Variants in FGD6 observed in about 807,000 individuals in gnomAD.
FGD6 encodes the protein FYVE, RhoGEF and PH domain-containing protein 6.
FGD6 carries 90 observed loss-of-function variants against 149.4 expected under a neutral mutation model. The observed-to-expected ratio is 0.60, with a 90% CI of 0.51 to 0.72. The LOEUF (loss-of-function observed/expected upper bound fraction) is 0.72. Ranked by LOEUF, FGD6 falls within the 30% of genes least tolerant of loss-of-function variation. The pLI, the probability that FGD6 is intolerant of heterozygous loss-of-function variation, is 0.00. For missense variants in FGD6, 1,437 were observed against 1,684.8 expected (o/e 0.85, Z 2.57); for synonymous variants, 527 against 584.0 (o/e 0.90, Z 1.41).
rs118127083 is a variant in FGD6, at chr12:95,108,148, G to C, written c.3264+200C>G. Among the ~76,000 whole-genome samples the C allele has an allele frequency of 9.9e-3, 1,509 of 152,204 alleles. 4 individuals carry two copies. Among genetic ancestry groups the C allele is most frequent in the Middle Eastern group, 0.02 (6 of 294 alleles). On this transcript the variant is annotated intron_variant, in intron 11 of 20. Coordinates refer to ENST00000343958, the MANE Select transcript of FGD6 (RefSeq NM_018351.4). The stretch of plus-strand genomic sequence containing the variant: ...CCTTGCCGCTCCCCTAATTGAACTG[G>C]ACTTACTTCATAAATGGGCTTATTC...
intron 1 of FGD6, among the ~76,000 whole-genome samples, chr12:95,216,730 A>T (rs1334062773): frequency 6.6e-6 from 1 of 151,040 alleles, no homozygotes; most frequent in African/African-American, 2.4e-5. Flanking sequence ...CAGGTAACAG[A>T]GGTAAAACCA....
At chr12:95,091,666 G>T in intron 17 of FGD6, 41 bp downstream of exon 17, 1 of 1,453,672 alleles carries the variant, frequency 6.9e-7, no homozygotes, top group Non-Finnish European at 9.6e-7. Flanking sequence ...AGCATCTGGG[G>T]AATAAAGGAA....
At chr12:95,122,295 C>G (rs1005714524) in intron 8 of FGD6, among the ~76,000 whole-genome samples, 2 of 152,094 alleles carry the variant, frequency 1.3e-5, no homozygotes, top group African/African-American at 2.4e-5. Flanking sequence ...AAAACTGTGG[C>G]CTTCCTGAGG....
intron 2 of FGD6, among the ~76,000 whole-genome samples, chr12:95,192,060 A>C (rs6538614): frequency 0.88 from 133,181 of 152,192 alleles, 58,618 homozygotes; most frequent in African/African-American, 0.96. Context: ...TGTTAGACTA[A>C]TTATAACCAA....
intron 8 of FGD6, 57 bp from the exon 9 acceptor site, chr12:95,113,758 A>G (rs1329563192): frequency 1.9e-5 from 22 of 1,150,324 alleles, no homozygotes; most frequent in African/African-American, 7.9e-5. Flanking sequence ...CCCCAAACAC[A>G]TATCTTTCTT....
chr12:95,114,067 G>A (rs192948222), intron 8 of FGD6, among the ~76,000 whole-genome samples: 27 of 152,242 alleles, frequency 1.8e-4, no homozygotes, highest in African/African-American at 6.5e-4. Context: ...TTAATCTTGA[G>A]ATCAGACACA....
chr12:95,101,340 C>T (rs1437900289), intron 14 of FGD6, among the ~76,000 whole-genome samples: 2 of 151,916 alleles, frequency 1.3e-5, no homozygotes, highest in African/African-American at 2.4e-5. Flanking sequence ...GAGACTCTGT[C>T]ACAAAAAAGA....
Position 95,080,663 on chromosome 12 carries a change from G to A in FGD6, c.*857C>T, listed in dbSNP as rs748652714. On this transcript the variant is annotated 3_prime_UTR_variant, in exon 21 of 21. Coordinates refer to ENST00000343958, the MANE Select transcript of FGD6 (RefSeq NM_018351.4). The stretch of plus-strand genomic sequence containing the variant: ...TAGATACAAATATCATCATTGACTT[G>A]GGCTCAGAACTCTTATAATAGCAGG... 1.3e-5 allele frequency: 2 copies of A among 151,978 alleles called. No individual in the cohort carries two copies. Among genetic ancestry groups the A allele is most frequent in the Non-Finnish European group, 2.9e-5 (2 of 67,992 alleles). 9.4% of individuals were successfully genotyped at this position (151,978 alleles called of 1,614,324 possible).
intron 6 of FGD6, among the ~76,000 whole-genome samples, chr12:95,137,986 C>T (rs1464407325): frequency 5.3e-5 from 8 of 152,058 alleles, no homozygotes; most frequent in Admixed American, 2.0e-4. Flanking sequence ...CTTTGGGAGC[C>T]GAGGTGGGCA....
intron 2 of FGD6, among the ~76,000 whole-genome samples, chr12:95,201,548 G>C (rs551345612): frequency 6.6e-6 from 1 of 152,206 alleles, no homozygotes; most frequent in Non-Finnish European, 1.5e-5. Flanking sequence ...CTACTGCTAG[G>C]TTTTATCCAT....
chr12:95,191,472 C>T (rs1210272895), intron 2 of FGD6, among the ~76,000 whole-genome samples: 1 of 152,204 alleles, frequency 6.6e-6, no homozygotes, highest in Non-Finnish European at 1.5e-5. Context: ...CAGCTGGATT[C>T]TGACTTCACA....
intron 8 of FGD6, among the ~76,000 whole-genome samples, chr12:95,129,531 G>C (rs1360473157): frequency 6.6e-6 from 1 of 152,184 alleles, no homozygotes; most frequent in Non-Finnish European, 1.5e-5. Context: ...GAAGAGATGA[G>C]AAAGAAGAAG....
chr12:95,210,322 C>G lies in FGD6; in HGVS notation c.962G>C (p.Arg321Pro), dbSNP rs148149725. The G allele has an allele frequency of 7.4e-6, 12 of 1,614,038 alleles. No homozygotes were observed. Among genetic ancestry groups the G allele is most frequent in the Non-Finnish European group, 9.3e-6 (11 of 1,180,018 alleles). The change falls in exon 2 of 21, where the codon CGA (arginine) becomes CCA (proline). Residue 321 changes from arginine to proline, a missense_variant. Physicochemically the swap from Arg to Pro is moderately radical, Grantham distance 103. Coordinates refer to ENST00000343958, the MANE Select transcript of FGD6 (RefSeq NM_018351.4). ...KFPTPKPRKT[R>P]TARLLRQKCV... ...CTTTTGGCGTAACAGACGAGCAGTTCGTGTCTTTCTGGGCTTGGGAGTTGG... is the reference window on the plus strand; with the variant it reads ...CTTTTGGCGTAACAGACGAGCAGTTGGTGTCTTTCTGGGCTTGGGAGTTGG...
intron 8 of FGD6, among the ~76,000 whole-genome samples, chr12:95,122,519 G>A (rs1441613584): frequency 1.3e-5 from 2 of 151,518 alleles, no homozygotes; most frequent in Non-Finnish European, 2.9e-5. Flanking sequence ...GGTGGCTCAT[G>A]TCTGTAATTC....
At chr12:95,181,593 TG>T (rs1881282209) in intron 2 of FGD6, among the ~76,000 whole-genome samples, 1 of 152,210 alleles carries the variant, frequency 6.6e-6, no homozygotes, top group East Asian at 1.9e-4. Flanking sequence ...CATCACGAAA[TG>T]TGGACAACTT....
intron 5 of FGD6, among the ~76,000 whole-genome samples, chr12:95,149,993 T>TACACACACACACACAC (rs10652699): frequency 1.3e-4 from 17 of 132,000 alleles, no homozygotes; most frequent in African/African-American, 3.7e-4. Flanking sequence ...TGCTATATAT[T>TACACACACACACACAC]ACACACACAC....
chr12:95,091,482 T>G (rs1026164866), intron 17 of FGD6, among the ~76,000 whole-genome samples: 1 of 152,242 alleles, frequency 6.6e-6, no homozygotes, highest in Non-Finnish European at 1.5e-5. Flanking sequence ...TAATTACATT[T>G]CTACAGTTTT....
intron 2 of FGD6, among the ~76,000 whole-genome samples, chr12:95,205,880 A>G (rs2056690737): frequency 6.6e-6 from 1 of 152,172 alleles, no homozygotes; most frequent in Admixed American, 6.6e-5. Context: ...GTCTCCTTGG[A>G]AAGCGAAATT....
intron 14 of FGD6, among the ~76,000 whole-genome samples, chr12:95,104,255 G>C (rs1053680869): frequency 6.6e-6 from 1 of 152,064 alleles, no homozygotes; most frequent in Non-Finnish European, 1.5e-5. Flanking sequence ...AGTGCAAAAA[G>C]TGTTGGCAAT....
Sources: gnomAD v4.1 joint callset for allele counts (sites outside exome capture counted in the v4.1 genomes callset) on GRCh38, gnomAD v4.1.1 for gene constraint, MANE v1.5 for transcripts, NCBI Gene and HGNC (gene_info 2026-07-23, HGNC 2026-07-21) for gene names.